The following KAT5 variants were observed in gnomAD, a reference collection of about 807,000 sequenced individuals.
The protein encoded by KAT5 is histone acetyltransferase KAT5.
A neutral mutation model predicts 68.1 loss-of-function variants in KAT5; 31 were observed. That is an observed-to-expected ratio of 0.46 (90% confidence interval 0.34 to 0.61). The LOEUF (loss-of-function observed/expected upper bound fraction) is 0.61, where lower values mean the gene tolerates loss of function less well. Among genes scored for constraint, KAT5 ranks in the 20% least tolerant of loss-of-function variants. The pLI, the probability that KAT5 is intolerant of heterozygous loss-of-function variation, is 0.01. For missense variants in KAT5, 451 were observed against 725.5 expected, an observed-to-expected ratio of 0.62 and a Z score of 4.35; for synonymous variants, 365 against 292.6, an observed-to-expected ratio of 1.25 and a Z score of -2.52.
At position 65,712,402 on chromosome 11, in the gene KAT5, C is replaced by A. The variant is rs1426831524; in HGVS notation, c.135C>A (p.Arg45=). The A allele has an allele frequency of 6.3e-7, 1 of 1,587,654 alleles. No individual in the cohort carries two copies. The highest frequency in any genetic ancestry group is 1.1e-5 in the South Asian group (1 of 87,696). ...AGGGGGAGATAATCGAGGGCTGCCG[C>A]CTACCCGTGCTGCGGCGGAACCAGG... is the stretch of plus-strand genomic sequence containing the variant. ...SPQGEIIEGC[R]LPVLRRNQDN... The change falls in exon 1 of 13, where the codon CGC becomes CGA. Residue 45 remains arginine, a synonymous_variant. Transcript: ENST00000341318.
chr11:65,712,850 G>GC lies in KAT5; in HGVS notation c.247+16_247+17insC. The GC allele has an allele frequency of 2.5e-6, 4 of 1,614,180 alleles. No homozygotes were observed. Among genetic ancestry groups the GC allele is most frequent in the Non-Finnish European group, 3.4e-6 (4 of 1,180,020 alleles). On this transcript the variant is annotated intron_variant, in intron 2 of 12. Transcript: ENST00000341318. ...TACATTGACTGTGAGTTCTGGGCCTGAGGTGGGGCATCAGGGTAGGGTTGG... is the reference window on the plus strand; with the variant it reads ...TACATTGACTGTGAGTTCTGGGCCTGCAGGTGGGGCATCAGGGTAGGGTTGG...
intron 5 of KAT5, 30 bp downstream of exon 5, chr11:65,713,697 T>C (rs776267771): frequency 6.8e-6 from 11 of 1,613,774 alleles, no homozygotes; most frequent in Non-Finnish European, 9.3e-6. Context: ...TCTTGTTCTC[T>C]TCCTCTCTTC....
intron 10 of KAT5, 66 bp from the exon 11 acceptor site, chr11:65,718,524 G>A: frequency 1.3e-6 from 2 of 1,547,034 alleles, no homozygotes; most frequent in Admixed American, 1.8e-5. Flanking sequence ...GGCAACCTGT[G>A]TTTTTAAATG....
At position 65,712,761 on chromosome 11, in the gene KAT5, CAT is replaced by C. The variant is rs779326125; in HGVS notation, c.179-3_179-2del. The C allele has an allele frequency of 1.2e-5, 20 of 1,613,774 alleles. No homozygotes were observed. The highest frequency in any genetic ancestry group is 4.0e-5 in the African/African-American group (3 of 74,802). On this transcript the variant is annotated splice_region_variant and splice_polypyrimidine_tract_variant and intron_variant, in intron 1 of 12. Transcript: ENST00000341318. Reference sequence around the variant, plus strand: ...CTAAGGCCCCTGTCTATGCTATTCTCATAGCCCTGGCCGAGATCCTGAGCGTG... The same window carrying C: ...CTAAGGCCCCTGTCTATGCTATTCTCAGCCCTGGCCGAGATCCTGAGCGTG...
chr11:65,717,746 T>A (rs1857250067), intron 10 of KAT5: 1 of 152,678 alleles, frequency 6.5e-6, no homozygotes. Flanking sequence ...CTTCTCAGCC[T>A]GGTAGCACAA....
rs771349160 is a variant in KAT5 at position 65,716,872 on chromosome 11, C to T, written c.1171-17C>T. 3.6e-5 allele frequency: 58 copies of T among 1,613,344 alleles called. 1 individual carries two copies. Among genetic ancestry groups the T allele is most frequent in the Middle Eastern group, 3.3e-4 (2 of 6,084 alleles). ...GCCAGATCCCTTCCCTGACACTCAC[C>T]TGTCCCCCTTCTCCAGGAGAAAGAA... On this transcript the variant is annotated splice_polypyrimidine_tract_variant and intron_variant, in intron 9 of 12. Coordinates refer to ENST00000341318, the MANE Select transcript of KAT5 (RefSeq NM_182710.3).
chr11:65,719,415 G>T lies in KAT5; in HGVS notation c.*234G>T, dbSNP rs1857321788. 8.2e-6 allele frequency: 5 copies of T among 611,848 alleles called. No homozygotes were observed. The South Asian group carries it at 9.9e-5, about 12-fold the overall frequency. The allele number at this position is 611,848 out of a possible 1,614,324, so 37.9% of individuals were successfully genotyped here. ...AGGCCCAGGCCTCCTCTGAAGCAGG[G>T]ACCAGAGGGAGCCAGGCAGCTGTGT... On this transcript the variant is annotated 3_prime_UTR_variant, in exon 13 of 13. Transcript: ENST00000341318.
In KAT5 at chr11:65,712,744, C is replaced by T. The variant is rs376915049; in HGVS notation, c.179-22C>T. On this transcript the variant is annotated intron_variant, in intron 1 of 12. Coordinates refer to ENST00000341318, the MANE Select transcript of KAT5 (RefSeq NM_182710.3). ...CTCATAGCCTGGCCTGTCTAAGGCC[C>T]CTGTCTATGCTATTCTCATAGCCCT... is the stretch of plus-strand genomic sequence containing the variant. 1.2e-5 allele frequency: 19 copies of T among 1,613,650 alleles called. No individual in the cohort carries two copies. The African/African-American group carries it at 1.2e-4, about 10-fold the overall frequency.
Position 65,718,572 on chromosome 11 carries a change from CCTG to C in KAT5, c.1265-15_1265-13del, listed in dbSNP as rs1266741254. On this transcript the variant is annotated splice_polypyrimidine_tract_variant and intron_variant, in intron 10 of 12. Coordinates refer to ENST00000341318, the MANE Select transcript of KAT5 (RefSeq NM_182710.3). ...ATCTGTGACCTCTTACTCACCCTCT[CCTG>C]CTCCATTGCTTTAGGCTATGAACTC... 1.2e-6 allele frequency: 2 copies of C among 1,611,082 alleles called. No individual in the cohort carries two copies. Among genetic ancestry groups the C allele is most frequent in the African/African-American group, 2.7e-5 (2 of 74,804 alleles).
rs776216567 is a variant in KAT5, at chr11:65,713,611, G to T, written c.559G>T (p.Val187Phe). The T allele has an allele frequency of 1.8e-5, 29 of 1,614,122 alleles. No homozygotes were observed. Among genetic ancestry groups the T allele is most frequent in the Non-Finnish European group, 2.5e-5 (29 of 1,180,004 alleles). The part of the protein sequence containing the change: ...HRSTKRKVEV[V>F]SPATPVPSET... Reference sequence around the variant, plus strand: ...TCTGCAGAAACGGAAGGTGGAGGTGGTTTCACCAGCAACTCCAGTGCCCAG... The same window carrying T: ...TCTGCAGAAACGGAAGGTGGAGGTGTTTTCACCAGCAACTCCAGTGCCCAG... The change falls in exon 5 of 13, where the codon GTT (valine) becomes TTT (phenylalanine). Residue 187 changes from valine to phenylalanine, a missense_variant. Physicochemically the swap from Val to Phe is conservative, Grantham distance 50 (BLOSUM62 -1). Transcript: ENST00000341318.
In KAT5 at chr11:65,713,247, AG is replaced by A. The variant is rs1857084333; in HGVS notation, c.385-98del. On this transcript the variant is annotated intron_variant, in intron 3 of 12. Coordinates refer to ENST00000341318, the MANE Select transcript of KAT5 (RefSeq NM_182710.3). ...CTAGTCCTGTGTCCTTCAGAAGGCGAGGGTGGGGTTTGATAATTTTGAGGTG... is the reference window on the plus strand; with the variant it reads ...CTAGTCCTGTGTCCTTCAGAAGGCGAGGTGGGGTTTGATAATTTTGAGGTG... 6 of 1,368,786 alleles carry A rather than the reference AG, an allele frequency of 4.4e-6. No homozygotes were observed. In the Admixed American group the frequency reaches 1.1e-4, roughly 25 times the overall value. 84.8% of individuals were successfully genotyped at this position (1,368,786 alleles called of 1,614,324 possible). A position where few individuals can be genotyped will look rare whatever the true frequency, so the allele number is the denominator to read the frequency against.
Position 65,713,340 on chromosome 11 carries a change from C to A in KAT5, c.385-8C>A. The A allele has an allele frequency of 6.2e-7, 1 of 1,613,876 alleles. No individual in the cohort carries two copies. Among genetic ancestry groups the A allele is most frequent in the South Asian group, 1.1e-5 (1 of 91,042 alleles). Reference sequence around the variant, plus strand: ...CCCCAAAGGAAGACCCTGGACCTATCTCTACAGCCGGCCTCGGCGCAGGCC... The same window carrying A: ...CCCCAAAGGAAGACCCTGGACCTATATCTACAGCCGGCCTCGGCGCAGGCC... On this transcript the variant is annotated splice_polypyrimidine_tract_variant and splice_region_variant and intron_variant, in intron 3 of 12. Coordinates refer to ENST00000341318, the MANE Select transcript of KAT5 (RefSeq NM_182710.3).
chr11:65,712,196 G>T, upstream of KAT5: 3 of 1,365,966 alleles, frequency 2.2e-6, no homozygotes, highest in South Asian at 1.8e-5. Flanking sequence ...GTGAGGCCCG[G>T]GCCCACAGGG....
chr11:65,714,343 G>A (rs898766630), intron 6 of KAT5, 152 bp from the exon 7 acceptor site: 4 of 825,296 alleles, frequency 4.8e-6, no homozygotes, highest in South Asian at 1.7e-5. Context: ...ATCCTTTAGG[G>A]TTTCAGGTTT....
In KAT5 at chr11:65,719,136, T is replaced by C; in HGVS notation, c.1596T>C (p.Cys532=). ...GGCTCCTGCGGATCGACTCCAAGTGTCTGCACTTCACTCCCAAGGACTGGA... is the reference window on the plus strand; with the variant it reads ...GGCTCCTGCGGATCGACTCCAAGTGCCTGCACTTCACTCCCAAGGACTGGA... ...LKRLLRIDSK[C]LHFTPKDWSK... Residue 532 remains cysteine, a synonymous_variant, in exon 13 of 13, where the codon TGT becomes TGC. Coordinates refer to ENST00000341318, the MANE Select transcript of KAT5 (RefSeq NM_182710.3). 1.9e-6 allele frequency: 3 copies of C among 1,614,172 alleles called. No homozygotes were observed. Among genetic ancestry groups the C allele is most frequent in the Non-Finnish European group, 2.5e-6 (3 of 1,180,028 alleles).
chr11:65,715,145 T>C (rs1360298489), intron 8 of KAT5: 2 of 542,056 alleles, frequency 3.7e-6, no homozygotes, highest in Non-Finnish European at 6.7e-6. Flanking sequence ...CTAAGTGTCA[T>C]GAAACAGAGG....
chr11:65,715,621 C>T lies in KAT5; in HGVS notation c.1029+711C>T, dbSNP rs916140096. Reference sequence around the variant, plus strand: ...TAAAAAGTACAAAAAATTAGCTGGGCGTGGTGGCGGGTGCCTGTAATCCCA... The same window carrying T: ...TAAAAAGTACAAAAAATTAGCTGGGTGTGGTGGCGGGTGCCTGTAATCCCA... On this transcript the variant is annotated intron_variant, in intron 8 of 12. Coordinates refer to ENST00000341318, the MANE Select transcript of KAT5 (RefSeq NM_182710.3). Among the ~76,000 whole-genome samples the T allele has an allele frequency of 2.0e-4, 31 of 151,954 alleles. No individual in the cohort carries two copies. In the East Asian group the frequency reaches 4.7e-3, roughly 23 times the overall value.
At chr11:65,716,833 G>A in intron 9 of KAT5, 26 bp downstream of exon 9, 1 of 1,614,090 alleles carries the variant, frequency 6.2e-7, no homozygotes. Context: ...AGCTGTCCCT[G>A]TGCCCTGTCC....
intron 1 of KAT5, 65 bp downstream of exon 1, chr11:65,712,510 C>G: frequency 1.3e-6 from 2 of 1,540,938 alleles, no homozygotes; most frequent in Non-Finnish European, 1.7e-6. Context: ...AACTGAAATC[C>G]CGGGATGGGG....
Sources: allele counts gnomAD v4.1 joint callset (sites outside exome capture counted in the v4.1 genomes callset), GRCh38; gene constraint gnomAD v4.1.1; transcripts MANE v1.5; gene names NCBI Gene and HGNC (gene_info 2026-07-23, HGNC 2026-07-21).